Variants in ATP8B4 observed in about 807,000 individuals in gnomAD.
ATP8B4 encodes the protein ATPase phospholipid transporting 8B4 (putative).
Under a neutral mutation model 145.6 loss-of-function variants are expected in ATP8B4, and 133 were observed. That is an observed-to-expected ratio of 0.91 (90% confidence interval 0.79 to 1.05). The LOEUF (loss-of-function observed/expected upper bound fraction) is 1.05. ATP8B4 is among the 50% of genes least tolerant of loss of function. ATP8B4 has a pLI of 0.00. For missense variants in ATP8B4, 1,458 were observed against 1,425.2 expected (o/e 1.02, Z -0.37); for synonymous variants, 507 against 492.9 (o/e 1.03, Z -0.38).
rs1477850633 is a variant in ATP8B4 at position 49,898,146 on chromosome 15, C to T, written c.2395G>A (p.Val799Ile). The change falls in exon 22 of 28, where the codon GTA becomes ATA. Residue 799 changes from valine to isoleucine, a missense_variant. Val to Ile is a conservative substitution (Grantham distance 29, BLOSUM62 3). Transcript: ENST00000284509. ...RVTPLQKAQV[V>I]ELVKKYRNAV... ...TTTCTGTACTTCTTCACCAGCTCTA[C>T]CACTTGGGCTTTCTGGAGTGGAGTG... The T allele has an allele frequency of 6.8e-6, 11 of 1,613,822 alleles. No individual in the cohort carries two copies. In the African/African-American group the frequency reaches 1.2e-4, roughly 18 times the overall value.
chr15:49,994,931 T>C (rs541508616), intron 9 of ATP8B4, among the ~76,000 whole-genome samples: 32 of 152,242 alleles, frequency 2.1e-4, no homozygotes, highest in African/African-American at 7.7e-4. Flanking sequence ...AACCATTGTG[T>C]CTCTTTCATC....
intron 13 of ATP8B4, among the ~76,000 whole-genome samples, chr15:49,969,918 T>C (rs529258213): frequency 5.9e-5 from 9 of 152,204 alleles, no homozygotes; most frequent in Non-Finnish European, 1.3e-4. Context: ...AAAAAGCTTA[T>C]CCACCACGAT....
intron 25 of ATP8B4, among the ~76,000 whole-genome samples, chr15:49,867,721 T>C (rs2033035959): frequency 1.3e-5 from 2 of 152,104 alleles, no homozygotes; most frequent in Non-Finnish European, 1.5e-5. Context: ...GCAGAACTAA[T>C]AGAAGAGACA....
intron 1 of ATP8B4, among the ~76,000 whole-genome samples, chr15:50,134,819 G>T (rs948343912): frequency 6.6e-6 from 1 of 152,156 alleles, no homozygotes; most frequent in Non-Finnish European, 1.5e-5. Flanking sequence ...AATGTTGGTG[G>T]CATTGACAAA....
intron 4 of ATP8B4, among the ~76,000 whole-genome samples, chr15:50,046,861 A>G (rs2414008): frequency 0.64 from 97,223 of 152,172 alleles, 32,183 homozygotes; most frequent in East Asian, 0.99. Context: ...CCAATTAACC[A>G]TTCAAAACTG....
At chr15:49,980,461 T>C (rs930118696) in intron 11 of ATP8B4, among the ~76,000 whole-genome samples, 3 of 152,132 alleles carry the variant, frequency 2.0e-5, no homozygotes, top group South Asian at 2.1e-4. Flanking sequence ...CTAGATAGTA[T>C]ATCAATAGTA....
chr15:49,915,590 T>A (rs2039657883), intron 20 of ATP8B4, among the ~76,000 whole-genome samples: 1 of 152,094 alleles, frequency 6.6e-6, no homozygotes, highest in Non-Finnish European at 1.5e-5. Flanking sequence ...GTATAAATAT[T>A]GTATATCAAT....
intron 1 of ATP8B4, among the ~76,000 whole-genome samples, chr15:50,166,247 A>T (rs934457478): frequency 2.6e-5 from 4 of 152,242 alleles, no homozygotes; most frequent in Non-Finnish European, 5.9e-5. Context: ...AATTGCCAGC[A>T]GATCTCCAGT....
intron 23 of ATP8B4, among the ~76,000 whole-genome samples, chr15:49,888,920 G>A (rs2899439): frequency 0.16 from 24,026 of 151,880 alleles, 2,024 homozygotes; most frequent in South Asian, 0.24. Flanking sequence ...CAAACAGTTC[G>A]CCTAGGGACA....
chr15:50,137,452 T>A (rs140834223), intron 1 of ATP8B4, among the ~76,000 whole-genome samples: 1 of 152,322 alleles, frequency 6.6e-6, no homozygotes, highest in East Asian at 1.9e-4. Flanking sequence ...AGCATCACTG[T>A]GCGTCATCAT....
At chr15:50,153,588 T>C (rs1314897431) in intron 1 of ATP8B4, among the ~76,000 whole-genome samples, 1 of 152,100 alleles carries the variant, frequency 6.6e-6, no homozygotes. Context: ...CCGCCCGCCT[T>C]GGCCTCCCAA....
chr15:50,065,791 A>C (rs2053340733), intron 3 of ATP8B4, among the ~76,000 whole-genome samples: 1 of 152,256 alleles, frequency 6.6e-6, no homozygotes, highest in Non-Finnish European at 1.5e-5. Flanking sequence ...GAAAGTAAAA[A>C]TAAAAATAAA....
intron 2 of ATP8B4, among the ~76,000 whole-genome samples, chr15:50,086,953 T>C (rs1220022832): frequency 2.9e-5 from 3 of 101,950 alleles, no homozygotes; most frequent in South Asian, 5.8e-4. Flanking sequence ...ATTTATTATA[T>C]ATAATAAAAT....
intron 14 of ATP8B4, among the ~76,000 whole-genome samples, chr15:49,946,092 T>C (rs910989404): frequency 1.3e-5 from 2 of 152,108 alleles, no homozygotes; most frequent in Admixed American, 1.3e-4. Flanking sequence ...ATCTTACATA[T>C]CCTAGGTGCA....
At chr15:50,088,098 T>C (rs987002839) in intron 2 of ATP8B4, among the ~76,000 whole-genome samples, 1 of 152,072 alleles carries the variant, frequency 6.6e-6, no homozygotes, top group African/African-American at 2.4e-5. Context: ...TCAAAAAACC[T>C]AGATCCAGGT....
chr15:50,014,404 G>T (rs1044890348), intron 6 of ATP8B4, among the ~76,000 whole-genome samples: 2 of 152,108 alleles, frequency 1.3e-5, no homozygotes, highest in African/African-American at 4.8e-5. Flanking sequence ...TGCAGTGAAT[G>T]AATGATAAAT....
chr15:50,023,555 T>C (rs922484602), intron 6 of ATP8B4, among the ~76,000 whole-genome samples: 2 of 152,116 alleles, frequency 1.3e-5, no homozygotes, highest in Non-Finnish European at 2.9e-5. Flanking sequence ...TGTTTTCCTA[T>C]CATTCTTTTT....
chr15:50,021,624 C>A (rs2153581511), intron 6 of ATP8B4, among the ~76,000 whole-genome samples: 1 of 152,324 alleles, frequency 6.6e-6, no homozygotes, highest in Admixed American at 6.5e-5. Context: ...AATCATCTCC[C>A]CATCTCCCAT....
At chr15:50,065,466 C>T (rs923958797) in intron 3 of ATP8B4, among the ~76,000 whole-genome samples, 1 of 152,090 alleles carries the variant, frequency 6.6e-6, no homozygotes, top group African/African-American at 2.4e-5. Context: ...ACTTTGAGAC[C>T]GTTGGGGTTA....
Sources: gnomAD v4.1 joint callset for allele counts (sites outside exome capture counted in the v4.1 genomes callset) on GRCh38, gnomAD v4.1.1 for gene constraint, MANE v1.5 for transcripts, NCBI Gene and HGNC (gene_info 2026-07-23, HGNC 2026-07-21) for gene names.